The following RBPJ variants were observed in gnomAD, a reference collection of about 807,000 sequenced individuals.
RBPJ encodes recombination signal binding protein for immunoglobulin kappa J region.
RBPJ carries 9 observed loss-of-function variants against 67.8 expected under a neutral mutation model. That is an observed-to-expected ratio of 0.13 (90% CI 0.08 to 0.23). The LOEUF is 0.23. Among genes scored for constraint, RBPJ ranks in the 10% least tolerant of loss-of-function variants. The pLI is 1.00. For missense variants in RBPJ, 305 were observed against 595.6 expected (o/e 0.51, Z 5.08); for synonymous variants, 198 against 203.3 (o/e 0.97, Z 0.22).
In RBPJ at chr4:26,191,151, C is replaced by CAAAA. The variant is rs1186422694; in HGVS notation, c.-167+27564_-167+27567dup. Among the ~76,000 whole-genome samples, 10 of 10,516 alleles carry CAAAA rather than the reference C, an allele frequency of 9.5e-4. 2 individuals are homozygous for CAAAA. Among genetic ancestry groups the CAAAA allele is most frequent in the Admixed American group, 2.6e-3 (1 of 388 alleles). 6.9% of individuals were successfully genotyped at this position (10,516 alleles called of 152,430 possible). On this transcript the variant is annotated intron_variant, in intron 1 of 4. Coordinates refer to the RBPJ transcript ENST00000512351. ...TGGGCAACGGAATGAGACCCTGTCT[C>CAAAA]AAAAAAAAAAAAAAAAAAAAAAAAA...
At chr4:26,362,763 A>G (rs546692852) in intron 1 of RBPJ, 1 of 706,170 alleles carries the variant, frequency 1.4e-6, no homozygotes, top group African/African-American at 1.8e-5. Flanking sequence ...ACTTTTGATT[A>G]TAGATGTGGT....
the RBPJ span, among the ~76,000 whole-genome samples, chr4:26,152,824 A>C: frequency 6.6e-6 from 1 of 152,254 alleles, no homozygotes. Context: ...GTCAGATGTT[A>C]TGTATGCAAC....
chr4:26,113,781 C>G, the RBPJ span: 1 of 251,914 alleles, frequency 4.0e-6, no homozygotes, highest in Non-Finnish European at 8.7e-6. Flanking sequence ...TGTGAAAAAT[C>G]AGCTCTCACC....
chr4:26,203,832 C>T (rs1264013492), intron 1 of RBPJ, among the ~76,000 whole-genome samples: 1 of 152,174 alleles, frequency 6.6e-6, no homozygotes, highest in African/African-American at 2.4e-5. Flanking sequence ...TCAGATCAAC[C>T]GGACCAGAAT....
intron 1 of RBPJ, among the ~76,000 whole-genome samples, chr4:26,246,806 A>C (rs1719942524): frequency 1.3e-5 from 2 of 152,164 alleles, no homozygotes; most frequent in Admixed American, 1.3e-4. Flanking sequence ...ATGGAGGGAA[A>C]AAAATGGAAC....
chr4:26,147,803 C>T, the RBPJ span, among the ~76,000 whole-genome samples: 9 of 152,094 alleles, frequency 5.9e-5, no homozygotes, highest in African/African-American at 2.2e-4. Context: ...TAAGAGTAAA[C>T]ATACAGATCC....
chr4:26,296,271 A>C (rs181264073), intron 1 of RBPJ, among the ~76,000 whole-genome samples: 1 of 152,264 alleles, frequency 6.6e-6, no homozygotes, highest in East Asian at 1.9e-4. Flanking sequence ...TCACATCCCT[A>C]CCTACCCCAC....
intron 1 of RBPJ, among the ~76,000 whole-genome samples, chr4:26,359,413 ATTTTTTT>A (rs56112785): frequency 1.9e-4 from 24 of 129,078 alleles, no homozygotes; most frequent in African/African-American, 7.0e-4. Flanking sequence ...TAACACCTTC[ATTTTTTT>A]TTTTTTTTTT....
chr4:26,297,569 A>G (rs1349045018), intron 1 of RBPJ, among the ~76,000 whole-genome samples: 1 of 152,112 alleles, frequency 6.6e-6, no homozygotes, highest in Non-Finnish European at 1.5e-5. Context: ...GTAAAATAAT[A>G]TGTCCAAGTG....
chr4:26,315,055 G>T (rs1722555828), upstream of RBPJ, among the ~76,000 whole-genome samples: 2 of 145,192 alleles, frequency 1.4e-5, no homozygotes, highest in South Asian at 2.2e-4. Flanking sequence ...TGAGGCAGGA[G>T]AACTGCTTGA....
the RBPJ span, among the ~76,000 whole-genome samples, chr4:26,126,736 C>T: frequency 1.3e-5 from 2 of 152,224 alleles, no homozygotes; most frequent in Admixed American, 6.5e-5. Flanking sequence ...ACCAAATTCC[C>T]TCCTAATGCA....
intron 1 of RBPJ, among the ~76,000 whole-genome samples, chr4:26,313,387 G>A (rs917350901): frequency 9.9e-5 from 15 of 152,254 alleles, no homozygotes; most frequent in African/African-American, 3.4e-4. Context: ...CAAAGAAAAG[G>A]CCAGGTGTGG....
At chr4:26,422,380 A>T (rs1229856543) in intron 5 of RBPJ, among the ~76,000 whole-genome samples, 1 of 152,190 alleles carries the variant, frequency 6.6e-6, no homozygotes, top group Non-Finnish European at 1.5e-5. Context: ...CTAATTTTTT[A>T]AATTCTAACT....
At chr4:26,207,726 T>G (rs1004015324) in intron 1 of RBPJ, among the ~76,000 whole-genome samples, 4 of 152,182 alleles carry the variant, frequency 2.6e-5, no homozygotes, top group Admixed American at 6.5e-5. Flanking sequence ...CAAACAACGA[T>G]TGCATTTTTA....
At chr4:26,210,456 A>G (rs926812094) in intron 1 of RBPJ, among the ~76,000 whole-genome samples, 1 of 152,208 alleles carries the variant, frequency 6.6e-6, no homozygotes, top group African/African-American at 2.4e-5. Context: ...AATCGCATCA[A>G]TTTAAAGCCA....
At chr4:26,328,991 GT>G (rs1723946165) in intron 1 of RBPJ, among the ~76,000 whole-genome samples, 2 of 152,016 alleles carry the variant, frequency 1.3e-5, no homozygotes, top group Non-Finnish European at 2.9e-5. Flanking sequence ...AGGTATTGAG[GT>G]TTTTGTTTGT....
At chr4:26,140,072 C>T in the RBPJ span, among the ~76,000 whole-genome samples, 3 of 152,186 alleles carry the variant, frequency 2.0e-5, no homozygotes, top group Non-Finnish European at 2.9e-5. Flanking sequence ...TCTGGGCCTC[C>T]AGTTCCCATT....
intron 7 of RBPJ, 80 bp from the exon 8 acceptor site, chr4:26,428,640 C>CT: frequency 9.6e-7 from 1 of 1,044,826 alleles, no homozygotes; most frequent in South Asian, 1.3e-5. Context: ...TATATAGCTT[C>CT]TATGTACTTT....
intron 4 of RBPJ, among the ~76,000 whole-genome samples, chr4:26,418,505 A>G (rs1301774028): frequency 3.3e-5 from 5 of 152,256 alleles, no homozygotes; most frequent in Non-Finnish European, 7.4e-5. Flanking sequence ...AAGGAGATAT[A>G]TGTGTGTTTG....
Sources: gnomAD v4.1 joint callset for allele counts (sites outside exome capture counted in the v4.1 genomes callset) on GRCh38, gnomAD v4.1.1 for gene constraint, MANE v1.5 for transcripts, NCBI Gene and HGNC (gene_info 2026-07-23, HGNC 2026-07-21) for gene names.